The following C10orf67 variants were observed in gnomAD, a reference collection of about 807,000 sequenced individuals.
C10orf67 encodes the protein uncharacterized protein C10orf67, mitochondrial.
In C10orf67, 60 loss-of-function variants were observed where a neutral mutation model predicts 35.6. The observed-to-expected ratio is 1.68, with a 90% CI of 1.37 to 2.09. C10orf67 has a LOEUF of 2.09. Among genes scored for constraint, C10orf67 ranks in the 30% most tolerant of loss-of-function variants. The pLI, the probability that C10orf67 is intolerant of heterozygous loss-of-function variation, is 0.00. For missense variants in C10orf67, 474 were observed against 330.2 expected (o/e 1.44, Z -3.38); for synonymous variants, 167 against 115.8 (o/e 1.44, Z -2.84).
chr10:23,252,801 A>G (rs951211286), intron 10 of C10orf67, among the ~76,000 whole-genome samples: 1 of 152,166 alleles, frequency 6.6e-6, no homozygotes, highest in Non-Finnish European at 1.5e-5. Flanking sequence ...TCAGGTACCC[A>G]TGGCCTGTTT....
chr10:23,241,534 T>C (rs1424568617), intron 12 of C10orf67, among the ~76,000 whole-genome samples: 1 of 152,212 alleles, frequency 6.6e-6, no homozygotes, highest in Non-Finnish European at 1.5e-5. Context: ...CCCATGAAGA[T>C]ATCTACTTTC....
intron 10 of C10orf67, among the ~76,000 whole-genome samples, chr10:23,263,102 C>T (rs959184927): frequency 3.9e-5 from 6 of 152,268 alleles, no homozygotes; most frequent in East Asian, 3.9e-4. Context: ...CATTGCCTAG[C>T]GCTGCCGGAT....
chr10:23,220,561 C>A (rs1841549331), intron 15 of C10orf67, among the ~76,000 whole-genome samples: 1 of 152,128 alleles, frequency 6.6e-6, no homozygotes, highest in African/African-American at 2.4e-5. Context: ...TGTTGTCATG[C>A]ATGAATCTTG....
chr10:23,304,714 A>T (rs1052706062), intron 4 of C10orf67, among the ~76,000 whole-genome samples: 1 of 152,152 alleles, frequency 6.6e-6, no homozygotes, highest in African/African-American at 2.4e-5. Context: ...CTCCTTGCCC[A>T]GGTACCAACT....
At chr10:23,250,876 T>C (rs1430184113) in intron 10 of C10orf67, among the ~76,000 whole-genome samples, 185 bp from the exon 11 acceptor site, 1 of 144,956 alleles carries the variant, frequency 6.9e-6, no homozygotes, top group African/African-American at 2.9e-5. Context: ...AGTGGGAGGA[T>C]GGCTTAAGCC....
In C10orf67 at chr10:23,344,657, C is replaced by T; in HGVS notation, c.118G>A (p.Ala40Thr). Residue 40 changes from alanine to threonine, a missense_variant, in exon 1 of 16, where the codon GCC (alanine) becomes ACC (threonine). Transcript: ENST00000636213. ...CAGACCCGCAGCTCGGTGGCCTTGG[C>T]TTTCATGGCCTCCCAGCGTGTGCCA... is the stretch of plus-strand genomic sequence containing the variant. ...TFGTRWEAMKAKATELRVCCA... is the reference protein window; with the variant it reads ...TFGTRWEAMKTKATELRVCCA... 1 of 1,580,608 alleles carries T rather than the reference C, an allele frequency of 6.3e-7. No homozygotes were observed. Among genetic ancestry groups the T allele is most frequent in the Non-Finnish European group, 8.6e-7 (1 of 1,163,804 alleles).
At chr10:23,218,401 G>A (rs1841489373) in intron 15 of C10orf67, among the ~76,000 whole-genome samples, 1 of 149,630 alleles carries the variant, frequency 6.7e-6, no homozygotes, top group African/African-American at 2.5e-5. Context: ...ACCTGCCTTG[G>A]CCTCCCAAAG....
In C10orf67 at chr10:23,222,876, G is replaced by C. The variant is rs12264916; in HGVS notation, c.1570+722C>G. Among the ~76,000 whole-genome samples, 1,044 of 152,208 alleles carry C rather than the reference G, an allele frequency of 6.9e-3. 13 individuals are homozygous for C. Among genetic ancestry groups the C allele is most frequent in the African/African-American group, 0.024 (987 of 41,534 alleles). ...GAGGGTGAGACAGCCAGGTTGCCCA[G>C]GCTGGTCTAGAGCTCCTGGACTCAA... On this transcript the variant is annotated intron_variant, in intron 15 of 15. Coordinates refer to ENST00000636213, the MANE Select transcript of C10orf67 (RefSeq NM_001371909.1).
chr10:23,320,898 A>G, intron 3 of C10orf67, 83 bp from the exon 4 acceptor site: 1 of 873,064 alleles, frequency 1.1e-6, no homozygotes, highest in East Asian at 2.7e-5. Context: ...CTCATAGTAA[A>G]AAAACATCAT....
intron 7 of C10orf67, among the ~76,000 whole-genome samples, chr10:23,289,461 A>G (rs949093417): frequency 2.0e-5 from 3 of 152,102 alleles, no homozygotes; most frequent in Non-Finnish European, 4.4e-5. Context: ...ACTGCGCCCC[A>G]CCTTGGAAAT....
At chr10:23,245,324 C>T (rs1262656911) in intron 12 of C10orf67, among the ~76,000 whole-genome samples, 5 of 151,990 alleles carry the variant, frequency 3.3e-5, no homozygotes, top group African/African-American at 1.2e-4. Flanking sequence ...GAATATAATA[C>T]CAGATGCACA....
intron 7 of C10orf67, among the ~76,000 whole-genome samples, chr10:23,289,667 A>G (rs1374557869): frequency 6.6e-6 from 1 of 152,240 alleles, no homozygotes; most frequent in Non-Finnish European, 1.5e-5. Context: ...CTTAAAATCA[A>G]CAAGGCAGAT....
At chr10:23,319,030 G>T in intron 4 of C10orf67, 1 of 699,464 alleles carries the variant, frequency 1.4e-6, no homozygotes, top group Non-Finnish European at 2.6e-6. Flanking sequence ...TAGGTTCAGA[G>T]GGTACATGTA....
At chr10:23,324,088 A>T (rs568029704) in intron 2 of C10orf67, among the ~76,000 whole-genome samples, 2 of 150,244 alleles carry the variant, frequency 1.3e-5, no homozygotes, top group Admixed American at 6.6e-5. Flanking sequence ...CCAGCACCCG[A>T]GTGGCTGTAT....
chr10:23,208,613 C>T (rs911437333), intron 15 of C10orf67, among the ~76,000 whole-genome samples: 1 of 152,142 alleles, frequency 6.6e-6, no homozygotes, highest in Non-Finnish European at 1.5e-5. Context: ...CTCAGTGCCT[C>T]GCCTAGGCCT....
At chr10:23,340,606 A>G (rs1279347990) in intron 1 of C10orf67, among the ~76,000 whole-genome samples, 2 of 152,158 alleles carry the variant, frequency 1.3e-5, no homozygotes, top group African/African-American at 2.4e-5. Context: ...GACTGACTCA[A>G]AAAGTTCCAG....
At position 23,312,539 on chromosome 10, in the gene C10orf67, A is replaced by G. The variant is rs192388470; in HGVS notation, c.546+8202T>C. Among the ~76,000 whole-genome samples the G allele has an allele frequency of 8.5e-5, 13 of 152,314 alleles. 1 individual carries two copies. The highest frequency in any genetic ancestry group is 1.5e-5 in the Non-Finnish European group (1 of 68,028). The stretch of plus-strand genomic sequence containing the variant: ...GTGTAGAATATCATTTAAATCTAAA[A>G]GCTGAACTCTAGGTGTACTCATTGC... On this transcript the variant is annotated intron_variant, in intron 4 of 15. Coordinates refer to ENST00000636213, the MANE Select transcript of C10orf67 (RefSeq NM_001371909.1).
chr10:23,325,692 A>AC (rs1845168639), intron 2 of C10orf67, among the ~76,000 whole-genome samples: 1 of 151,456 alleles, frequency 6.6e-6, no homozygotes, highest in Non-Finnish European at 1.5e-5. Context: ...AAAAAAAAAA[A>AC]ACAGGAAAAT....
At position 23,211,870 on chromosome 10, in the gene C10orf67, A is replaced by G. The variant is rs117961313; in HGVS notation, c.1571-7615T>C. ...CCTGATAGATAAAATTTAAAAAGAA[A>G]AGCAAAAAGACATACTGGGAGAACA... On this transcript the variant is annotated intron_variant, in intron 15 of 15. Transcript: ENST00000636213. Among the ~76,000 whole-genome samples, 1,457 of 152,264 alleles carry G rather than the reference A, an allele frequency of 9.6e-3. 17 individuals carry two copies. Among genetic ancestry groups the G allele is most frequent in the Non-Finnish European group, 0.014 (967 of 68,036 alleles).
Sources: gnomAD v4.1 joint callset for allele counts (sites outside exome capture counted in the v4.1 genomes callset) on GRCh38, gnomAD v4.1.1 for gene constraint, MANE v1.5 for transcripts, NCBI Gene and HGNC (gene_info 2026-07-23, HGNC 2026-07-21) for gene names.